ALKBH5: variants seen among roughly 807,000 people sequenced by gnomAD.
ALKBH5 encodes the protein RNA demethylase ALKBH5.
Under a neutral mutation model 32.1 loss-of-function variants are expected in ALKBH5, and 2 were observed. That is an observed-to-expected ratio of 0.06 (90% CI 0.03 to 0.20). The LOEUF (loss-of-function observed/expected upper bound fraction) is 0.20, where lower values mean the gene tolerates loss of function less well. ALKBH5 is among the 10% of genes least tolerant of loss of function. The pLI is 1.00. For synonymous variants in ALKBH5, 300 were observed against 231.7 expected, an observed-to-expected ratio of 1.29 and a Z score of -2.68; for missense variants, 352 against 559.5, an observed-to-expected ratio of 0.63 and a Z score of 3.74.
At chr17:18,186,420 A>G (rs2047139903) in intron 1 of ALKBH5, among the ~76,000 whole-genome samples, 1 of 152,182 alleles carries the variant, frequency 6.6e-6, no homozygotes, top group Non-Finnish European at 1.5e-5. Context: ...ACGGGTTCTC[A>G]GTGCAAAAAT....
intron 1 of ALKBH5, among the ~76,000 whole-genome samples, chr17:18,187,682 A>G (rs982847098): frequency 4.6e-5 from 7 of 152,146 alleles, no homozygotes; most frequent in African/African-American, 1.7e-4. Flanking sequence ...AGGTGGGTGA[A>G]CACCTGCCTA....
chr17:18,201,975 C>T (rs2047244051), intron 2 of ALKBH5, among the ~76,000 whole-genome samples: 1 of 151,466 alleles, frequency 6.6e-6, no homozygotes, highest in Non-Finnish European at 1.5e-5. Flanking sequence ...TAATCCCACC[C>T]GTGCACTCCA....
Position 18,206,878 on chromosome 17 carries a change from C to T in ALKBH5, c.915C>T (p.Ser305=). Reference sequence around the variant, plus strand: ...TGAGCAGCTCCGTGTTACCACCCAGCTATGCTTCAGATCGCCTGTCAGGAA... The same window carrying T: ...TGAGCAGCTCCGTGTTACCACCCAGTTATGCTTCAGATCGCCTGTCAGGAA... ...KSLSSSVLPP[S]YASDRLSGNN... Residue 305 remains serine (S), a synonymous_variant, in exon 3 of 4, where the codon AGC becomes AGT. Transcript: ENST00000399138. The T allele has an allele frequency of 6.2e-7, 1 of 1,614,262 alleles. No individual in the cohort carries two copies. The highest frequency in any genetic ancestry group is 1.6e-4 in the Middle Eastern group (1 of 6,062).
At chr17:18,200,027 G>A (rs2047226822) in intron 2 of ALKBH5, among the ~76,000 whole-genome samples, 1 of 151,690 alleles carries the variant, frequency 6.6e-6, no homozygotes, top group African/African-American at 2.4e-5. Context: ...AACCTGGGAG[G>A]CGGAGGTTGC....
At chr17:18,197,004 AC>A (rs1328132249) in intron 2 of ALKBH5, among the ~76,000 whole-genome samples, 1 of 152,192 alleles carries the variant, frequency 6.6e-6, no homozygotes, top group Admixed American at 6.5e-5. Flanking sequence ...TAGTCAGTAA[AC>A]AATAACTTTG....
At chr17:18,193,323 G>A (rs372366821) in intron 1 of ALKBH5, among the ~76,000 whole-genome samples, 20 of 152,116 alleles carry the variant, frequency 1.3e-4, no homozygotes, top group Middle Eastern at 3.4e-3. Context: ...CGAGGCTGGC[G>A]GATCACGAGG....
In ALKBH5 at chr17:18,208,501, GTTTTTT is replaced by G. The variant is rs2047284328; in HGVS notation, c.*106_*111del. 2 of 1,304,956 alleles carry G rather than the reference GTTTTTT, an allele frequency of 1.5e-6. No individual in the cohort carries two copies. Among genetic ancestry groups the G allele is most frequent in the African/African-American group, 1.5e-5 (1 of 66,156 alleles). 80.8% of individuals were successfully genotyped at this position (1,304,956 alleles called of 1,614,324 possible). A position where few individuals can be genotyped will look rare whatever the true frequency, so the allele number is the denominator to read the frequency against. ...GTTCATTGGGGGGTTTTTGTTTTTT[GTTTTTT>G]GTTTTTTTTGATTCTATATATTTTT... On this transcript the variant is annotated 3_prime_UTR_variant, in exon 4 of 4. Transcript: ENST00000399138.
Position 18,208,583 on chromosome 17 carries a change from A to G in ALKBH5, c.*187A>G. The G allele has an allele frequency of 1.4e-6, 1 of 736,180 alleles. No individual in the cohort carries two copies. 45.6% of individuals were successfully genotyped at this position (736,180 alleles called of 1,614,324 possible). On this transcript the variant is annotated 3_prime_UTR_variant, in exon 4 of 4. Transcript: ENST00000399138. ...TGAAGAATAGAATTGGCCAGGACCT[A>G]GGTTCTCATATTCTTGGTATTCCTC... is the stretch of plus-strand genomic sequence containing the variant.
At chr17:18,208,102 TC>T (rs1299357240) in intron 3 of ALKBH5, 116 bp from the exon 4 acceptor site, 13 of 1,119,306 alleles carry the variant, frequency 1.2e-5, no homozygotes, top group Non-Finnish European at 1.5e-5. Flanking sequence ...GGACTACCCT[TC>T]GTTGAGGACC....
intron 2 of ALKBH5, among the ~76,000 whole-genome samples, chr17:18,195,948 A>G (rs1025603793): frequency 6.6e-6 from 1 of 152,152 alleles, no homozygotes; most frequent in Admixed American, 6.6e-5. Context: ...CCTTCCTTTT[A>G]TTAAACTTTA....
intron 2 of ALKBH5, among the ~76,000 whole-genome samples, chr17:18,201,729 G>T (rs981692466): frequency 7.0e-6 from 1 of 143,330 alleles, no homozygotes; most frequent in Non-Finnish European, 1.5e-5. Context: ...TGGGCTACAG[G>T]GTGAGACTCC....
intron 2 of ALKBH5, among the ~76,000 whole-genome samples, chr17:18,201,879 G>A (rs2047243351): frequency 6.6e-6 from 1 of 151,946 alleles, no homozygotes; most frequent in African/African-American, 2.4e-5. Flanking sequence ...ACCAGGTGTG[G>A]TGGCATATAC....
At chr17:18,198,130 A>G (rs2047214814) in intron 2 of ALKBH5, among the ~76,000 whole-genome samples, 2 of 152,194 alleles carry the variant, frequency 1.3e-5, no homozygotes, top group Non-Finnish European at 2.9e-5. Flanking sequence ...GTTCAGATTG[A>G]CCATTTTGAC....
rs1459044216 is a variant in ALKBH5, at chr17:18,183,839, T to C, written c.-405T>C. The C allele has an allele frequency of 3.2e-6, 1 of 315,182 alleles. No homozygotes were observed. The highest frequency in any genetic ancestry group is 5.2e-5 in the Admixed American group (1 of 19,058). The allele number at this position is 315,182 out of a possible 1,614,324, so 19.5% of individuals were successfully genotyped here. ...TGCGCGTGCGCGGTGAGGAGCCCGCTAAGGAGCGGCGCTGGCGGACGTCGG... is the reference window on the plus strand; with the variant it reads ...TGCGCGTGCGCGGTGAGGAGCCCGCCAAGGAGCGGCGCTGGCGGACGTCGG... On this transcript the variant is annotated 5_prime_UTR_variant, in exon 1 of 4. Transcript: ENST00000399138.
intron 1 of ALKBH5, 56 bp downstream of exon 1, chr17:18,185,069 C>T (rs1325596464): frequency 6.4e-7 from 1 of 1,565,614 alleles, no homozygotes; most frequent in Non-Finnish European, 8.6e-7. Context: ...GCTACCCACC[C>T]TGGCCCAGAA....
intron 1 of ALKBH5, 21 bp from the exon 2 acceptor site, chr17:18,194,934 A>G (rs769929249): frequency 1.9e-6 from 3 of 1,612,740 alleles, no homozygotes; most frequent in Non-Finnish European, 2.5e-6. Flanking sequence ...TCATGGTCAC[A>G]TGTTCTGTGT....
intron 2 of ALKBH5, among the ~76,000 whole-genome samples, chr17:18,201,835 AGAT>A (rs777250084): frequency 0.052 from 5,080 of 97,824 alleles, 129 homozygotes; most frequent in Middle Eastern, 0.085. Context: ...ATAGATAGAT[AGAT>A]GATAGATAGA....
At chr17:18,185,589 T>A (rs1298197079) in intron 1 of ALKBH5, among the ~76,000 whole-genome samples, 12 of 152,156 alleles carry the variant, frequency 7.9e-5, no homozygotes, top group Non-Finnish European at 1.8e-4. Context: ...AGCAGCACAC[T>A]CTTAAAATTC....
rs558705190 is a variant in ALKBH5 at position 18,205,963 on chromosome 17, C to G, written c.852-852C>G. Among the ~76,000 whole-genome samples the G allele has an allele frequency of 3.3e-5, 5 of 152,306 alleles. No homozygotes were observed. In the South Asian group the frequency reaches 8.3e-4, roughly 25 times the overall value. On this transcript the variant is annotated intron_variant, in intron 2 of 3. Transcript: ENST00000399138. ...AGTCTATTACATGGGTCCTTCTGCC[C>G]TTTGCTCCCACCTGCCTGACTTGCC... is the stretch of plus-strand genomic sequence containing the variant.
Sources: gnomAD v4.1 joint callset for allele counts (sites outside exome capture counted in the v4.1 genomes callset) on GRCh38, gnomAD v4.1.1 for gene constraint, MANE v1.5 for transcripts, NCBI Gene and HGNC (gene_info 2026-07-23, HGNC 2026-07-21) for gene names.